CPA6: variants seen among roughly 807,000 people sequenced by gnomAD.
CPA6 encodes the protein carboxypeptidase A6.
In CPA6, 58 loss-of-function variants were observed where a neutral mutation model predicts 63.3. The observed-to-expected ratio is 0.92, with a 90% CI of 0.74 to 1.14. The LOEUF (loss-of-function observed/expected upper bound fraction) is 1.14. Ranked by LOEUF, CPA6 falls within the 50% of genes most tolerant of loss-of-function variation. CPA6 has a pLI of 0.00. For missense variants in CPA6, 565 were observed against 526.6 expected (o/e 1.07, Z -0.71); for synonymous variants, 185 against 179.0 (o/e 1.03, Z -0.27).
chr8:67,503,404 C>T (rs1811866407), intron 6 of CPA6, among the ~76,000 whole-genome samples: 1 of 152,034 alleles, frequency 6.6e-6, no homozygotes. Context: ...TCAACAGGTC[C>T]TCCCTCCTCA....
intron 1 of CPA6, among the ~76,000 whole-genome samples, chr8:67,651,606 C>T (rs1815839313): frequency 6.6e-6 from 1 of 152,062 alleles, no homozygotes; most frequent in Non-Finnish European, 1.5e-5. Flanking sequence ...TCATTGTATT[C>T]TCTTTGCTGT....
chr8:67,527,510 T>C (rs1812389641), intron 2 of CPA6, among the ~76,000 whole-genome samples: 1 of 152,168 alleles, frequency 6.6e-6, no homozygotes, highest in Non-Finnish European at 1.5e-5. Context: ...ATTTTCTTAA[T>C]TACAAATAAA....
At chr8:67,423,996 C>T (rs2128950563) in intron 10 of CPA6, among the ~76,000 whole-genome samples, 1 of 152,334 alleles carries the variant, frequency 6.6e-6, no homozygotes, top group South Asian at 2.1e-4. Context: ...TGCCTGAGCT[C>T]TGCCTCCTGT....
chr8:67,725,858 A>G (rs1346273711), intron 1 of CPA6, among the ~76,000 whole-genome samples: 1 of 152,174 alleles, frequency 6.6e-6, no homozygotes, highest in African/African-American at 2.4e-5. Context: ...ACATTATAAA[A>G]CACAAAAAAT....
At chr8:67,575,638 C>T (rs1193193048) in intron 2 of CPA6, among the ~76,000 whole-genome samples, 2 of 152,176 alleles carry the variant, frequency 1.3e-5, no homozygotes, top group Non-Finnish European at 2.9e-5. Context: ...GAGAGGATCA[C>T]CTGAGGCCAG....
At chr8:67,708,245 C>G (rs568737619) in intron 1 of CPA6, among the ~76,000 whole-genome samples, 84 of 152,280 alleles carry the variant, frequency 5.5e-4, no homozygotes, top group African/African-American at 1.9e-3. Flanking sequence ...TCTTGCTGTG[C>G]TTTATGCAAA....
intron 9 of CPA6, among the ~76,000 whole-genome samples, chr8:67,433,317 T>G (rs555963468): frequency 2.0e-5 from 3 of 152,332 alleles, no homozygotes; most frequent in African/African-American, 4.8e-5. Flanking sequence ...TCTTGGTTTT[T>G]GAACTTTATA....
At chr8:67,491,196 T>C (rs866328275) in intron 6 of CPA6, among the ~76,000 whole-genome samples, 7 of 150,894 alleles carry the variant, frequency 4.6e-5, no homozygotes, top group African/African-American at 1.5e-4. Flanking sequence ...GAAGAATCAA[T>C]TGGAGTCGGG....
intron 2 of CPA6, among the ~76,000 whole-genome samples, chr8:67,529,970 G>C (rs949826706): frequency 3.9e-5 from 6 of 152,258 alleles, no homozygotes; most frequent in African/African-American, 1.4e-4. Flanking sequence ...AAACAGAAAA[G>C]AGTTTTGTGG....
At chr8:67,544,577 G>C (rs1282740107) in intron 2 of CPA6, among the ~76,000 whole-genome samples, 4 of 152,152 alleles carry the variant, frequency 2.6e-5, no homozygotes, top group Non-Finnish European at 5.9e-5. Context: ...GAGTCTTTCT[G>C]AATAATCTCA....
At chr8:67,743,570 C>T (rs1025330838) in intron 1 of CPA6, among the ~76,000 whole-genome samples, 95 of 152,122 alleles carry the variant, frequency 6.2e-4, no homozygotes, top group African/African-American at 2.1e-3. Flanking sequence ...CTCTTTCTAA[C>T]GTTTTTAAAT....
At chr8:67,670,311 G>A (rs1030412802) in intron 1 of CPA6, among the ~76,000 whole-genome samples, 1 of 152,150 alleles carries the variant, frequency 6.6e-6, no homozygotes, top group African/African-American at 2.4e-5. Context: ...TACCTGGCCA[G>A]AGCAGGAGGC....
At chr8:67,584,073 G>T (rs542396665) in intron 2 of CPA6, among the ~76,000 whole-genome samples, 1 of 152,156 alleles carries the variant, frequency 6.6e-6, no homozygotes, top group Admixed American at 6.5e-5. Context: ...CAGGAGAATC[G>T]CTTGAACCAG....
intron 2 of CPA6, among the ~76,000 whole-genome samples, chr8:67,566,398 A>G (rs1437336721): frequency 6.6e-6 from 1 of 152,172 alleles, no homozygotes; most frequent in Admixed American, 6.5e-5. Context: ...CTGAGCCTCC[A>G]CTTTCTCAAT....
rs1012462073 is a variant in CPA6 at position 67,607,815 on chromosome 8, C to G, written c.192+16361G>C. On this transcript the variant is annotated intron_variant, in intron 2 of 10. Transcript: ENST00000297770. The stretch of plus-strand genomic sequence containing the variant: ...CCAATTGCTAAGCTCAGGCTATACA[C>G]TATTTTCATTTGTTAAGATAGCACT... Among the ~76,000 whole-genome samples, 3 of 152,176 alleles carry G rather than the reference C, an allele frequency of 2.0e-5. No homozygotes were observed. In the East Asian group the frequency reaches 5.8e-4, roughly 29 times the overall value.
At chr8:67,695,010 C>A (rs755683424) in intron 1 of CPA6, among the ~76,000 whole-genome samples, 2 of 152,050 alleles carry the variant, frequency 1.3e-5, no homozygotes, top group African/African-American at 4.8e-5. Context: ...TGGGGATAGA[C>A]CTCTCTGAAT....
chr8:67,582,332 A>G (rs1358092254), intron 2 of CPA6, among the ~76,000 whole-genome samples: 1 of 152,194 alleles, frequency 6.6e-6, no homozygotes, highest in African/African-American at 2.4e-5. Context: ...CACGTAGCCT[A>G]TGAATGCTGT....
intron 2 of CPA6, among the ~76,000 whole-genome samples, chr8:67,612,506 G>A (rs1456691031): frequency 2.0e-5 from 3 of 152,076 alleles, no homozygotes; most frequent in Non-Finnish European, 4.4e-5. Flanking sequence ...TTCTCAATAT[G>A]ATGCTGATTC....
intron 1 of CPA6, among the ~76,000 whole-genome samples, chr8:67,655,374 C>G (rs1815959925): frequency 6.6e-6 from 1 of 152,092 alleles, no homozygotes; most frequent in Admixed American, 6.6e-5. Context: ...TTCATATACT[C>G]TAATGAGCTG....
Sources: gnomAD v4.1 joint callset for allele counts (sites outside exome capture counted in the v4.1 genomes callset) on GRCh38, gnomAD v4.1.1 for gene constraint, MANE v1.5 for transcripts, NCBI Gene and HGNC (gene_info 2026-07-23, HGNC 2026-07-21) for gene names.